DPP8: variants seen among roughly 807,000 people sequenced by gnomAD.
DPP8 encodes dipeptidyl peptidase 8.
In DPP8, 31 loss-of-function variants were observed where a neutral mutation model predicts 107.5. That is an observed-to-expected ratio of 0.29 (90% confidence interval 0.22 to 0.39). The LOEUF (loss-of-function observed/expected upper bound fraction) is 0.39. DPP8 is among the 10% of genes least tolerant of loss of function. The probability of loss-of-function intolerance (pLI) is 1.00; values close to 1 mark genes in which losing one functional copy is unlikely to be tolerated. For missense variants in DPP8, 842 were observed against 1,076.1 expected (o/e 0.78, Z 3.04); for synonymous variants, 381 against 356.6 (o/e 1.07, Z -0.77).
Position 65,480,200 on chromosome 15 carries a change from A to G in DPP8, c.1296+22T>C, listed in dbSNP as rs200598114. 1.9e-6 allele frequency: 3 copies of G among 1,589,336 alleles called. No individual in the cohort carries two copies. The African/African-American group carries it at 4.1e-5, about 22-fold the overall frequency. On this transcript the variant is annotated intron_variant, in intron 10 of 19. Transcript: ENST00000300141. ...TAGCATTCTGAGAAAATATTTAAACAAATACAGGAAAAAATGCATACATTT... is the reference window on the plus strand; with the variant it reads ...TAGCATTCTGAGAAAATATTTAAACGAATACAGGAAAAAATGCATACATTT...
At chr15:65,453,454 C>CATAT (rs1053459364) in intron 17 of DPP8, among the ~76,000 whole-genome samples, 18 of 151,488 alleles carry the variant, frequency 1.2e-4, no homozygotes, top group African/African-American at 3.9e-4. Context: ...CACACACATA[C>CATAT]ATATATATAT....
intron 15 of DPP8, chr15:65,459,063 G>C (rs956062306): frequency 6.7e-6 from 1 of 150,138 alleles, no homozygotes; most frequent in Non-Finnish European, 1.5e-5. Context: ...GGCGGGGGGG[G>C]TCTTGCTGTG....
chr15:65,456,636 C>A (rs180803092), intron 15 of DPP8, among the ~76,000 whole-genome samples: 26 of 152,206 alleles, frequency 1.7e-4, no homozygotes, highest in Non-Finnish European at 3.7e-4. Context: ...AATCAACCCA[C>A]CCCATATAAA....
In DPP8 at chr15:65,445,480, C is replaced by T. The variant is rs2063465192; in HGVS notation, c.*1404G>A. 6.5e-6 allele frequency: 1 copy of T among 153,258 alleles called. No individual in the cohort carries two copies. Among genetic ancestry groups the T allele is most frequent in the African/African-American group, 2.4e-5 (1 of 41,310 alleles). The allele number at this position is 153,258 out of a possible 1,614,324, so 9.5% of individuals were successfully genotyped here. On this transcript the variant is annotated 3_prime_UTR_variant, in exon 20 of 20. Transcript: ENST00000300141. ...GAAAGCCTATGAGCTCTCTTCATAG[C>T]TAAATCCTAGTGCTAAACCAAGAAA...
chr15:65,517,137 TTCC>T (rs970214199), intron 1 of DPP8: 1 of 152,234 alleles, frequency 6.6e-6, no homozygotes, highest in African/African-American at 2.4e-5. Context: ...GGGCTTCCGT[TTCC>T]TCATCTGTAA....
intron 11 of DPP8, 33 bp from the exon 12 acceptor site, chr15:65,474,321 T>G: frequency 1.4e-6 from 2 of 1,414,116 alleles, no homozygotes; most frequent in Non-Finnish European, 2.0e-6. Flanking sequence ...TTCAGTACAT[T>G]ATACCAGACT....
chr15:65,471,513 A>ATTT (rs35149810), intron 12 of DPP8, among the ~76,000 whole-genome samples: 4 of 125,246 alleles, frequency 3.2e-5, no homozygotes, highest in Admixed American at 8.0e-5. Flanking sequence ...TAACCAGCCT[A>ATTT]TTTTTTTTTT....
chr15:65,474,131 A>C (rs2066171134), intron 12 of DPP8, 78 bp downstream of exon 12: 2 of 1,094,320 alleles, frequency 1.8e-6, no homozygotes, highest in African/African-American at 3.1e-5. Flanking sequence ...GGGTCATATT[A>C]AATTACATTA....
chr15:65,491,318 C>T (rs191503837), intron 5 of DPP8, among the ~76,000 whole-genome samples: 2 of 152,200 alleles, frequency 1.3e-5, no homozygotes, highest in East Asian at 3.9e-4. Context: ...ATATGGTTAT[C>T]TCCAAGCAGT....
chr15:65,475,813 T>C (rs550774306), intron 11 of DPP8, among the ~76,000 whole-genome samples: 10 of 152,294 alleles, frequency 6.6e-5, no homozygotes, highest in African/African-American at 2.2e-4. Context: ...AGCGGCACCA[T>C]CACAGCTCAC....
chr15:65,494,533 C>T (rs1256469287), intron 5 of DPP8, among the ~76,000 whole-genome samples: 1 of 148,276 alleles, frequency 6.7e-6, no homozygotes, highest in Non-Finnish European at 1.5e-5. Context: ...ATTAGGTAGG[C>T]GTGGTGGCAC....
rs538082655 is a variant in DPP8 at position 65,482,969 on chromosome 15, C to T, written c.1018-1354G>A. 2.2e-4 allele frequency among the ~76,000 whole-genome samples: 34 copies of T among 151,976 alleles called. No homozygotes were observed. In the East Asian group the frequency reaches 3.7e-3, roughly 16 times the overall value. ...AAAATTAGCCGGGCATCTTGGCGGGCACCTGTAGTACCAGCCACTCTGGAG... is the reference window on the plus strand; with the variant it reads ...AAAATTAGCCGGGCATCTTGGCGGGTACCTGTAGTACCAGCCACTCTGGAG... On this transcript the variant is annotated intron_variant, in intron 8 of 19. Transcript: ENST00000300141.
intron 3 of DPP8, among the ~76,000 whole-genome samples, chr15:65,503,933 A>AT (rs1032998189): frequency 3.1e-4 from 47 of 151,354 alleles, no homozygotes; most frequent in Admixed American, 6.6e-4. Flanking sequence ...CCTTTTCTGT[A>AT]TTTTTTTTAG....
rs1567209661 is a variant in DPP8, at chr15:65,480,310, A to T, written c.1208T>A (p.Val403Asp). ...PELFIPVEDD[V>D]MERQRLIESV... ...CTCAATGAGTCTCTGCCTTTCCATA[A>T]CATCATCTTCTACTGGGATAAATAA... The change falls in exon 10 of 20, where the codon GTT becomes GAT. Residue 403 changes from valine (V) to aspartate (D), a missense_variant. Physicochemically the swap from Val to Asp is radical, Grantham distance 152 (BLOSUM62 -3). Around this residue, in one of 2 missense-constraint regions of DPP8, gnomAD observed 663 missense variants for 758.0 expected, o/e 0.87. Transcript: ENST00000300141. 12 of 1,613,824 alleles carry T rather than the reference A, an allele frequency of 7.4e-6. No individual in the cohort carries two copies. Among genetic ancestry groups the T allele is most frequent in the Non-Finnish European group, 8.5e-6 (10 of 1,179,900 alleles).
intron 11 of DPP8, among the ~76,000 whole-genome samples, chr15:65,478,062 C>T (rs2066569476): frequency 6.6e-6 from 1 of 152,058 alleles, no homozygotes; most frequent in Non-Finnish European, 1.5e-5. Flanking sequence ...AGAAGGAAAA[C>T]CACCACTTAA....
rs570917401 is a variant in DPP8, at chr15:65,477,705, T to C, written c.1456+1175A>G. ...CCACCACGCCCGGCTAATTTTTTTT[T>C]GTATTTTTAGTAGAGAGGGGGTTTC... On this transcript the variant is annotated intron_variant, in intron 11 of 19. Transcript: ENST00000300141. Among the ~76,000 whole-genome samples, 15 of 151,926 alleles carry C rather than the reference T, an allele frequency of 9.9e-5. 1 individual carries two copies. Among genetic ancestry groups the C allele is most frequent in the African/African-American group, 3.6e-4 (15 of 41,462 alleles).
Position 65,498,016 on chromosome 15 carries a change from G to T in DPP8, c.563C>A (p.Pro188His). ...GGGACAACTAGTTTCCACTAGATTGGGCCTTAAAGGTTGTTGCTAGAAAAG... is the reference window on the plus strand; with the variant it reads ...GGGACAACTAGTTTCCACTAGATTGTGCCTTAAAGGTTGTTGCTAGAAAAG... ...PQGFTQQPLR[P>H]NLVETSCPNI... The change falls in exon 5 of 20, where the codon CCC (proline) becomes CAC (histidine). Residue 188 changes from proline to histidine, a missense_variant. By Grantham distance (77) the Pro-to-His change is moderately conservative. Coordinates refer to ENST00000300141, the MANE Select transcript of DPP8 (RefSeq NM_130434.5). The T allele has an allele frequency of 6.3e-7, 1 of 1,595,274 alleles. No individual in the cohort carries two copies. Among genetic ancestry groups the T allele is most frequent in the Non-Finnish European group, 8.5e-7 (1 of 1,169,958 alleles).
intron 11 of DPP8, among the ~76,000 whole-genome samples, chr15:65,477,669 A>G (rs1411752658): frequency 1.3e-5 from 2 of 151,128 alleles, no homozygotes; most frequent in Non-Finnish European, 2.9e-5. Context: ...AGCTGGGACT[A>G]CAGGCGCCCA....
intron 8 of DPP8, among the ~76,000 whole-genome samples, chr15:65,484,243 G>C (rs575262443): frequency 6.6e-6 from 1 of 151,564 alleles, no homozygotes; most frequent in East Asian, 1.9e-4. Flanking sequence ...GGAGAATCAT[G>C]TGAACCCAGA....
Sources: allele counts gnomAD v4.1 joint callset (sites outside exome capture counted in the v4.1 genomes callset), GRCh38; gene constraint gnomAD v4.1.1; regional missense constraint gnomAD v4.1.1; transcripts MANE v1.5; gene names NCBI Gene and HGNC (gene_info 2026-07-23, HGNC 2026-07-21).